Variants in MEGF8 observed in about 807,000 individuals in gnomAD.
MEGF8 encodes multiple epidermal growth factor-like domains protein 8.
In MEGF8, 156 loss-of-function variants were observed where a neutral mutation model predicts 302.9. The observed-to-expected ratio is 0.52, with a 90% CI of 0.45 to 0.59. The LOEUF is 0.59. MEGF8 is among the 20% of genes least tolerant of loss of function. The pLI, the probability that MEGF8 is intolerant of heterozygous loss-of-function variation, is 0.00. For missense variants in MEGF8, 3,345 were observed against 3,964.5 expected (o/e 0.84, Z 4.20); for synonymous variants, 1,621 against 1,660.5 (o/e 0.98, Z 0.58).
At chr19:42,362,239 A>C (rs1358999872) in intron 33 of MEGF8, 26 bp downstream of exon 33, 17 of 1,609,814 alleles carry the variant, frequency 1.1e-5, no homozygotes, top group Non-Finnish European at 1.4e-5. Context: ...GGCAGGGATG[A>C]GAAGCAGCAG....
intron 14 of MEGF8, among the ~76,000 whole-genome samples, 162 bp from the exon 15 acceptor site, chr19:42,349,986 A>G (rs534693498): frequency 6.6e-6 from 1 of 152,144 alleles, no homozygotes; most frequent in Admixed American, 6.5e-5. Context: ...AATAATCTCC[A>G]GATTCCTCCA....
Position 42,353,951 on chromosome 19 carries a change from A to G in MEGF8, c.3938A>G (p.Gln1313Arg). ...GTTGTCTCGGCCACTGAGGAGCTAC[A>G]GCCCTGTGCTCCCGGGACCCTCTGT... ...VWVVSATEELQPCAPGTLCPP... is the reference protein window; with the variant it reads ...VWVVSATEELRPCAPGTLCPP... Residue 1313 changes from glutamine to arginine, a missense_variant, in exon 22 of 42, where the codon CAG becomes CGG. Transcript: ENST00000251268. This position sits in a 1 kb window ranked among gnomAD's most constrained non-coding sequence, Gnocchi z 6.1. 6.3e-7 allele frequency: 1 copy of G among 1,584,320 alleles called. No individual in the cohort carries two copies. The highest frequency in any genetic ancestry group is 8.6e-7 in the Non-Finnish European group (1 of 1,165,524).
At chr19:42,350,112 AC>A (rs1026731663) in intron 14 of MEGF8, 35 bp from the exon 15 acceptor site, 1 of 1,550,502 alleles carries the variant, frequency 6.4e-7, no homozygotes, top group African/African-American at 1.4e-5. Context: ...CCTGCCCCAG[AC>A]CTTGACTGCT....
rs2039448898 is a variant in MEGF8, at chr19:42,356,135, C to G, written c.4445C>G (p.Thr1482Ser). 2 of 1,579,950 alleles carry G rather than the reference C, an allele frequency of 1.3e-6. No homozygotes were observed. Among genetic ancestry groups the G allele is most frequent in the African/African-American group, 1.3e-5 (1 of 74,390 alleles). ...AEGFGGPDCA[T>S]KLDGGQLVWE... is the part of the protein sequence containing the mutation. Reference sequence around the variant, plus strand: ...GGCTTCGGGGGCCCCGACTGCGCCACCAAGCTGGATGGCGGGCAGCTGGTC... The same window carrying G: ...GGCTTCGGGGGCCCCGACTGCGCCAGCAAGCTGGATGGCGGGCAGCTGGTC... The change falls in exon 25 of 42, where the codon ACC becomes AGC. Residue 1482 changes from threonine (T) to serine (S), a missense_variant. Physicochemically the swap from Thr to Ser is moderately conservative, Grantham distance 58. Transcript: ENST00000251268. This position sits in a 1 kb window ranked among gnomAD's most constrained non-coding sequence, Gnocchi z 5.2.
rs376582167 is a variant in MEGF8 at position 42,353,091 on chromosome 19, C to G, written c.3514C>G (p.Arg1172Gly). 1 of 1,549,054 alleles carries G rather than the reference C, an allele frequency of 6.5e-7. No homozygotes were observed. The highest frequency in any genetic ancestry group is 2.0e-5 in the Admixed American group (1 of 50,764). Residue 1172 changes from arginine to glycine, a missense_variant, in exon 20 of 42, where the codon CGC (arginine) becomes GGC (glycine). By Grantham distance (125) the Arg-to-Gly change is moderately radical. Coordinates refer to ENST00000251268, the MANE Select transcript of MEGF8 (RefSeq NM_001271938.2). The surrounding 1 kb of genome is among the most constrained non-coding windows in gnomAD (Gnocchi z 6.1). ...TGGCTGCAGCTTCCACAGCCACTGC[C>G]GCAAGCGGGGCCCTGGCTTCTGCGA... ...DCGCSFHSHC[R>G]KRGPGFCDEC...
At chr19:42,329,142 C>A (rs1347577155) in intron 1 of MEGF8, among the ~76,000 whole-genome samples, 4 of 152,152 alleles carry the variant, frequency 2.6e-5, no homozygotes, top group African/African-American at 9.7e-5. Context: ...TCTAGGTTTG[C>A]CTGGTCTTAT....
At chr19:42,333,984 C>A in intron 2 of MEGF8, 23 bp from the exon 3 acceptor site, 1 of 1,607,128 alleles carries the variant, frequency 6.2e-7, no homozygotes, top group East Asian at 2.2e-5. Context: ...GCCCACCTTA[C>A]CCAGCACACC....
At chr19:42,334,889 A>T (rs2039104176) in intron 3 of MEGF8, 146 bp from the exon 4 acceptor site, 4 of 747,302 alleles carry the variant, frequency 5.4e-6, no homozygotes, top group Non-Finnish European at 6.1e-6. Flanking sequence ...TTCCTTTTCC[A>T]TCCTCTCCCT....
At chr19:42,335,448 C>T in intron 5 of MEGF8, 63 bp downstream of exon 5, 1 of 1,462,644 alleles carries the variant, frequency 6.8e-7, no homozygotes, top group East Asian at 2.3e-5. Context: ...CCGGGGACCC[C>T]CGGAATGATC....
Position 42,354,642 on chromosome 19 carries a change from G to C in MEGF8, c.4066G>C (p.Val1356Leu), listed in dbSNP as rs1296610457. ...CCCACGCTTCCTGGACACTGGTGTT[G>C]TCCAGTCGGACCGCAGCCTCATAGC... is the stretch of plus-strand genomic sequence containing the variant. The part of the protein sequence containing the change: ...GFPRFLDTGV[V>L]QSDRSLIAAF... The change falls in exon 23 of 42, where the codon GTC (valine) becomes CTC (leucine). Residue 1356 changes from valine (V) to leucine (L), a missense_variant. By Grantham distance (32) the Val-to-Leu change is conservative. Transcript: ENST00000251268. This position sits in a 1 kb window ranked among gnomAD's most constrained non-coding sequence, Gnocchi z 4.3. 6.2e-7 allele frequency: 1 copy of C among 1,612,754 alleles called. No individual in the cohort carries two copies. Among genetic ancestry groups the C allele is most frequent in the Non-Finnish European group, 8.5e-7 (1 of 1,179,832 alleles).
Position 42,351,283 on chromosome 19 carries a change from G to A in MEGF8, c.2804G>A (p.Arg935Gln), listed in dbSNP as rs755045738. Residue 935 changes from arginine to glutamine, a missense_variant, in exon 16 of 42, where the codon CGG becomes CAG. Coordinates refer to ENST00000251268, the MANE Select transcript of MEGF8 (RefSeq NM_001271938.2). The surrounding 1 kb of genome is among the most constrained non-coding windows in gnomAD (Gnocchi z 5.6). ...KGDAACSRRG[R>Q]GRGALKSPEE... ...GACGCGGCATGCAGCCGGCGGGGCC[G>A]GGGTCGGGGTGCCCTGAAGAGTCCA... The A allele has an allele frequency of 8.9e-6, 14 of 1,569,866 alleles. No individual in the cohort carries two copies. Among genetic ancestry groups the A allele is most frequent in the East Asian group, 4.7e-5 (2 of 42,806 alleles).
Position 42,356,816 on chromosome 19 carries a change from A to G in MEGF8, c.4665A>G (p.Gly1555=). 7 of 1,556,146 alleles carry G rather than the reference A, an allele frequency of 4.5e-6. No homozygotes were observed. Among genetic ancestry groups the G allele is most frequent in the Non-Finnish European group, 6.1e-6 (7 of 1,150,046 alleles). ...GGCGGTGGACACAGATGCTGGCGGG[A>G]GCCGAGGACGGGGGCCCAGGCCCAT... ...SERRWTQMLA[G]AEDGGPGPSP... Residue 1555 remains glycine, a synonymous_variant, in exon 27 of 42, where the codon GGA becomes GGG. Transcript: ENST00000251268. The surrounding 1 kb of genome is among the most constrained non-coding windows in gnomAD (Gnocchi z 5.2).
chr19:42,348,056 G>A (rs996257504), intron 12 of MEGF8, among the ~76,000 whole-genome samples: 7 of 152,232 alleles, frequency 4.6e-5, no homozygotes, highest in African/African-American at 1.7e-4. Flanking sequence ...AGGGGTAAAG[G>A]TGGGCTCTGG....
chr19:42,373,505 A>C (rs1011904117), intron 41 of MEGF8, among the ~76,000 whole-genome samples: 1 of 151,430 alleles, frequency 6.6e-6, no homozygotes, highest in Non-Finnish European at 1.5e-5. Context: ...GGTTTCCATC[A>C]TCCTCCCACC....
chr19:42,354,540 C>T lies in MEGF8; in HGVS notation c.4012-48C>T, dbSNP rs1974688933. 17 of 1,575,512 alleles carry T rather than the reference C, an allele frequency of 1.1e-5. No individual in the cohort carries two copies. Among genetic ancestry groups the T allele is most frequent in the Admixed American group, 1.7e-5 (1 of 57,852 alleles). On this transcript the variant is annotated intron_variant, in intron 22 of 41. Transcript: ENST00000251268. The surrounding 1 kb of genome is among the most constrained non-coding windows in gnomAD (Gnocchi z 4.3). ...CCTCCTCCTCCCAGACCCCAGGTGT[C>T]GTTCTCATCCTCATTGTCTCCTAAT...
rs367825461 is a variant in MEGF8 at position 42,358,270 on chromosome 19, G to A, written c.5138G>A (p.Arg1713His). The A allele has an allele frequency of 5.4e-5, 87 of 1,604,370 alleles. No homozygotes were observed. The highest frequency in any genetic ancestry group is 1.2e-4 in the African/African-American group (9 of 74,676). ...PELYSLHCPDRTWSLLAPSQG... is the reference protein window; with the variant it reads ...PELYSLHCPDHTWSLLAPSQG... ...CTCTACTCCCTGCACTGTCCTGACC[G>A]CACCTGGAGTCTGCTGGCCCCTTCT... The change falls in exon 29 of 42, where the codon CGC becomes CAC. Residue 1713 changes from arginine (R) to histidine (H), a missense_variant. Arg to His is a conservative substitution (Grantham distance 29, BLOSUM62 0). Transcript: ENST00000251268. The surrounding 1 kb of genome is among the most constrained non-coding windows in gnomAD (Gnocchi z 4.4).
intron 8 of MEGF8, among the ~76,000 whole-genome samples, chr19:42,337,987 G>T (rs997291988): frequency 6.6e-6 from 1 of 151,938 alleles, no homozygotes; most frequent in Non-Finnish European, 1.5e-5. Flanking sequence ...TGTGTTTTTA[G>T]TAGAGACAGT....
chr19:42,327,607 C>T (rs528231184), intron 1 of MEGF8, among the ~76,000 whole-genome samples: 1 of 152,358 alleles, frequency 6.6e-6, no homozygotes, highest in South Asian at 2.1e-4. Flanking sequence ...ACCCAATAAA[C>T]TCCTATGCAT....
intron 3 of MEGF8, 107 bp from the exon 4 acceptor site, chr19:42,334,928 G>A: frequency 9.3e-7 from 1 of 1,072,142 alleles, no homozygotes; most frequent in South Asian, 1.8e-5. Context: ...CTCTCCCTTT[G>A]TGCCCTGTCT....
Sources: allele counts gnomAD v4.1 joint callset (sites outside exome capture counted in the v4.1 genomes callset), GRCh38; gene constraint gnomAD v4.1.1; non-coding constraint Gnocchi (gnomAD v3.1); transcripts MANE v1.5; gene names NCBI Gene and HGNC (gene_info 2026-07-23, HGNC 2026-07-21).